Variants in EXOC6 observed in about 807,000 individuals in gnomAD.
The protein encoded by EXOC6 is SEC15-like 1.
EXOC6 carries 60 observed loss-of-function variants against 112.5 expected under a neutral mutation model. That is an observed-to-expected ratio of 0.53 (90% CI 0.43 to 0.66). The LOEUF (loss-of-function observed/expected upper bound fraction) is 0.66, where lower values mean the gene tolerates loss of function less well. Among genes scored for constraint, EXOC6 ranks in the 30% least tolerant of loss-of-function variants. The pLI, the probability that EXOC6 is intolerant of heterozygous loss-of-function variation, is 0.00. For synonymous variants in EXOC6, 295 were observed against 308.0 expected, an observed-to-expected ratio of 0.96 and a Z score of 0.44; for missense variants, 855 against 957.1, an observed-to-expected ratio of 0.89 and a Z score of 1.41.
At position 92,937,951 on chromosome 10, in the gene EXOC6, T is replaced by A. The variant is rs528905472; in HGVS notation, c.1212+2066T>A. On this transcript the variant is annotated intron_variant, in intron 12 of 21. Coordinates refer to ENST00000260762, the MANE Select transcript of EXOC6 (RefSeq NM_019053.6). ...TAACAAAAAGGAACTTTCCTCAGAA[T>A]GTAAATTAACTATATCCCCAAGTAC... Among the ~76,000 whole-genome samples the A allele has an allele frequency of 3.9e-5, 6 of 152,306 alleles. No homozygotes were observed. In the South Asian group the frequency reaches 1.2e-3, roughly 32 times the overall value.
rs560454824 is a variant in EXOC6 at position 92,943,998 on chromosome 10, C to G, written c.1310+3174C>G. Among the ~76,000 whole-genome samples, 3 of 152,252 alleles carry G rather than the reference C, an allele frequency of 2.0e-5. No homozygotes were observed. The East Asian group carries it at 5.8e-4, about 29-fold the overall frequency. On this transcript the variant is annotated intron_variant, in intron 13 of 21. Coordinates refer to ENST00000260762, the MANE Select transcript of EXOC6 (RefSeq NM_019053.6). ...GATTCCTCATATAAGTGAGATTATGCAGTATTTGACTTCTGTGCCTAGCTT... is the reference window on the plus strand; with the variant it reads ...GATTCCTCATATAAGTGAGATTATGGAGTATTTGACTTCTGTGCCTAGCTT...
intron 19 of EXOC6, among the ~76,000 whole-genome samples, chr10:93,000,530 G>A (rs960886915): frequency 2.6e-5 from 4 of 152,174 alleles, no homozygotes; most frequent in Admixed American, 6.5e-5. Context: ...GGGGCCATTT[G>A]CAAGAGGGGT....
Position 92,954,757 on chromosome 10 carries a change from A to T in EXOC6, c.1638+16A>T. ...TTTGACAGAGGTAGGTTAAAAAGACACATATAGTGAAATGTTTCATTGTAT... is the reference window on the plus strand; with the variant it reads ...TTTGACAGAGGTAGGTTAAAAAGACTCATATAGTGAAATGTTTCATTGTAT... On this transcript the variant is annotated intron_variant, in intron 16 of 21. Coordinates refer to ENST00000260762, the MANE Select transcript of EXOC6 (RefSeq NM_019053.6). 1 of 1,084,680 alleles carries T rather than the reference A, an allele frequency of 9.2e-7. No individual in the cohort carries two copies. Among genetic ancestry groups the T allele is most frequent in the African/African-American group, 1.6e-5 (1 of 63,796 alleles). 67.2% of individuals were successfully genotyped at this position (1,084,680 alleles called of 1,614,324 possible).
At chr10:92,928,171 C>T (rs1851827504) in intron 8 of EXOC6, among the ~76,000 whole-genome samples, 168 bp from the exon 9 acceptor site, 1 of 152,174 alleles carries the variant, frequency 6.6e-6, no homozygotes, top group Non-Finnish European at 1.5e-5. Flanking sequence ...AAATTACTAT[C>T]TTTAAACTAT....
intron 7 of EXOC6, among the ~76,000 whole-genome samples, chr10:92,918,355 CTA>C (rs1851229751): frequency 6.6e-6 from 1 of 151,458 alleles, no homozygotes; most frequent in Non-Finnish European, 1.5e-5. Flanking sequence ...AACCATACGA[CTA>C]TGTGCTCATG....
chr10:92,832,134 A>G (rs1782264495), upstream of EXOC6, among the ~76,000 whole-genome samples: 1 of 152,202 alleles, frequency 6.6e-6, no homozygotes, highest in African/African-American at 2.4e-5. Context: ...TCAGGTTCTG[A>G]CAAACACAAT....
chr10:92,986,096 A>G (rs1005020538), intron 18 of EXOC6, among the ~76,000 whole-genome samples: 11 of 152,222 alleles, frequency 7.2e-5, no homozygotes, highest in African/African-American at 2.6e-4. Flanking sequence ...TGTAAAAATG[A>G]TATATTGTGA....
intron 19 of EXOC6, among the ~76,000 whole-genome samples, chr10:93,003,717 A>G (rs1305080799): frequency 6.6e-6 from 1 of 152,184 alleles, no homozygotes; most frequent in Non-Finnish European, 1.5e-5. Flanking sequence ...GAGCATAATT[A>G]ATTGTTTATA....
At chr10:92,987,387 G>T (rs1403946490) in intron 18 of EXOC6, among the ~76,000 whole-genome samples, 1 of 152,112 alleles carries the variant, frequency 6.6e-6, no homozygotes, top group Admixed American at 6.5e-5. Context: ...TTTGGAGGAG[G>T]ATTTGTCTAA....
At chr10:92,960,370 C>T (rs1853918880) in intron 17 of EXOC6, among the ~76,000 whole-genome samples, 1 of 152,018 alleles carries the variant, frequency 6.6e-6, no homozygotes, top group African/African-American at 2.4e-5. Context: ...GGAGGGATAA[C>T]TAAGTGAAGC....
At chr10:92,856,978 T>C (rs976667624) in intron 1 of EXOC6, among the ~76,000 whole-genome samples, 2 of 152,328 alleles carry the variant, frequency 1.3e-5, no homozygotes, top group Non-Finnish European at 1.5e-5. Flanking sequence ...TATGTTTTTC[T>C]GTTTACTTTT....
Position 93,014,239 on chromosome 10 carries a change from T to G in EXOC6, c.2141T>G (p.Leu714Arg), listed in dbSNP as rs1844397539. ...EPVPGFQGDT[L>R]QLAFIDLRQL... ...GTGCCAGGATTCCAGGGGGATACCCTGCAGCTAGCATTCATTGACCTCAGA... is the reference window on the plus strand; with the variant it reads ...GTGCCAGGATTCCAGGGGGATACCCGGCAGCTAGCATTCATTGACCTCAGA... Residue 714 changes from leucine (L) to arginine (R), a missense_variant, in exon 20 of 22, where the codon CTG becomes CGG. Physicochemically the swap from Leu to Arg is moderately radical, Grantham distance 102. Transcript: ENST00000260762. The G allele has an allele frequency of 6.2e-7, 1 of 1,613,710 alleles. No individual in the cohort carries two copies. The highest frequency in any genetic ancestry group is 8.5e-7 in the Non-Finnish European group (1 of 1,179,672).
At chr10:92,855,093 A>AT (rs1056511681) in intron 1 of EXOC6, among the ~76,000 whole-genome samples, 1 of 152,002 alleles carries the variant, frequency 6.6e-6, no homozygotes, top group African/African-American at 2.4e-5. Context: ...GATTTCTGTA[A>AT]TTTTTTTAGA....
chr10:92,906,531 A>G (rs1475701955), intron 5 of EXOC6, among the ~76,000 whole-genome samples: 1 of 152,156 alleles, frequency 6.6e-6, no homozygotes, highest in Non-Finnish European at 1.5e-5. Context: ...ACATTTTTAG[A>G]AGTATCTTGT....
intron 7 of EXOC6, among the ~76,000 whole-genome samples, chr10:92,919,023 A>G (rs1851280221): frequency 6.6e-6 from 1 of 152,176 alleles, no homozygotes; most frequent in African/African-American, 2.4e-5. Flanking sequence ...AATTAAATAA[A>G]TATTTTTGAC....
chr10:93,006,661 C>T (rs1214552053), intron 19 of EXOC6, among the ~76,000 whole-genome samples: 1 of 152,132 alleles, frequency 6.6e-6, no homozygotes, highest in African/African-American at 2.4e-5. Flanking sequence ...CTTAGTCATT[C>T]CTTCTAACGA....
chr10:92,841,971 T>C (rs1329330283), intron 1 of EXOC6, among the ~76,000 whole-genome samples: 1 of 151,856 alleles, frequency 6.6e-6, no homozygotes, highest in African/African-American at 2.4e-5. Flanking sequence ...TACAGCAAGA[T>C]CAAGATCTGG....
At chr10:92,980,009 G>A (rs1842772846) in intron 18 of EXOC6, among the ~76,000 whole-genome samples, 1 of 151,976 alleles carries the variant, frequency 6.6e-6, no homozygotes, top group Non-Finnish European at 1.5e-5. Context: ...TCTGGCTACA[G>A]GAATTAACAG....
At chr10:92,946,503 C>T (rs1290919436) in intron 13 of EXOC6, among the ~76,000 whole-genome samples, 1 of 152,156 alleles carries the variant, frequency 6.6e-6, no homozygotes, top group Admixed American at 6.5e-5. Flanking sequence ...GATTATTCTT[C>T]AGTTTTTCTA....
Sources: allele counts gnomAD v4.1 joint callset (sites outside exome capture counted in the v4.1 genomes callset), GRCh38; gene constraint gnomAD v4.1.1; transcripts MANE v1.5; gene names NCBI Gene and HGNC (gene_info 2026-07-23, HGNC 2026-07-21).